KDM4C: variants seen among roughly 807,000 people sequenced by gnomAD.
The protein encoded by KDM4C is lysine demethylase 4C.
KDM4C carries 81 observed loss-of-function variants against 129.3 expected under a neutral mutation model. The observed-to-expected ratio is 0.63, with a 90% CI of 0.52 to 0.75. KDM4C has a LOEUF of 0.75. KDM4C is among the 30% of genes least tolerant of loss of function. KDM4C has a pLI of 0.00. For synonymous variants in KDM4C, 573 were observed against 456.1 expected, an observed-to-expected ratio of 1.26 and a Z score of -3.26; for missense variants, 1,457 against 1,304.0, an observed-to-expected ratio of 1.12 and a Z score of -1.81.
chr9:6,751,953 G>GAAAGCCCATGACA (rs1203987706), intron 1 of KDM4C, among the ~76,000 whole-genome samples: 1 of 152,152 alleles, frequency 6.6e-6, no homozygotes, highest in Non-Finnish European at 1.5e-5. Context: ...TTCTGCAGAA[G>GAAAGCCCATGACA]AAAGCCCATG....
chr9:7,092,719 A>G (rs1835943975), intron 17 of KDM4C, among the ~76,000 whole-genome samples: 1 of 152,102 alleles, frequency 6.6e-6, no homozygotes, highest in Non-Finnish European at 1.5e-5. Context: ...TTCATCTTTC[A>G]CAAAAGTCCT....
At chr9:7,147,647 C>T (rs1052383821) in intron 19 of KDM4C, among the ~76,000 whole-genome samples, 1 of 152,122 alleles carries the variant, frequency 6.6e-6, no homozygotes, top group Non-Finnish European at 1.5e-5. Flanking sequence ...GGGTGTTCTA[C>T]AGGAGGACAC....
intron 1 of KDM4C, among the ~76,000 whole-genome samples, chr9:6,724,894 T>C (rs1170316591): frequency 6.6e-6 from 1 of 152,132 alleles, no homozygotes; most frequent in African/African-American, 2.4e-5. Context: ...CATAAATTTA[T>C]TGTCTTGCAG....
At position 6,985,048 on chromosome 9, in the gene KDM4C, C is replaced by T. The variant is rs190068731; in HGVS notation, c.1354+644C>T. On this transcript the variant is annotated intron_variant, in intron 10 of 21. Coordinates refer to ENST00000381309, the MANE Select transcript of KDM4C (RefSeq NM_015061.6). ...CATACTTCTCATCCTGTAAATCCTT[C>T]CTCATGGGATTCCCCCCTCCGCCAG... Among the ~76,000 whole-genome samples, 274 of 152,290 alleles carry T rather than the reference C, an allele frequency of 1.8e-3. 1 individual carries two copies. The highest frequency in any genetic ancestry group is 7.5e-3 in the South Asian group (36 of 4,824).
intron 4 of KDM4C, among the ~76,000 whole-genome samples, chr9:6,815,467 G>T (rs977312726): frequency 2.0e-5 from 3 of 151,796 alleles, no homozygotes; most frequent in Non-Finnish European, 4.4e-5. Context: ...TAACTGCCTC[G>T]GCCTCCTAAA....
At chr9:6,956,363 A>G (rs1282912756) in intron 8 of KDM4C, among the ~76,000 whole-genome samples, 1 of 152,206 alleles carries the variant, frequency 6.6e-6, no homozygotes, top group East Asian at 1.9e-4. Flanking sequence ...TATGTACTCC[A>G]CAAATATACA....
chr9:6,998,578 C>G (rs818894), intron 12 of KDM4C, among the ~76,000 whole-genome samples: 28,299 of 152,114 alleles, frequency 0.19, 2,628 homozygotes, highest in Admixed American at 0.22. Context: ...GGCGGATCAC[C>G]TGAGGTCAGG....
At position 6,793,061 on chromosome 9, in the gene KDM4C, G is replaced by T; in HGVS notation, c.73G>T (p.Glu25Ter). Residue 25 changes from glutamate (E) to a stop codon, truncating the protein, a stop_gained, in exon 2 of 22, where the codon GAG becomes TAG. Coordinates refer to ENST00000381309, the MANE Select transcript of KDM4C (RefSeq NM_015061.6). LOFTEE classifies it high-confidence loss of function. ...AATGACCTTCAGACCCTCCATGGAGGAGTTCCGGGAGTTCAACAAATACCT... is the reference window on the plus strand; with the variant it reads ...AATGACCTTCAGACCCTCCATGGAGTAGTTCCGGGAGTTCAACAAATACCT... Reference protein sequence around the residue: ...KIMTFRPSMEEFREFNKYLAY... With the variant: ...KIMTFRPSME 6.2e-7 allele frequency: 1 copy of T among 1,614,122 alleles called. No homozygotes were observed. The highest frequency in any genetic ancestry group is 8.5e-7 in the Non-Finnish European group (1 of 1,180,016).
chr9:6,734,288 GTT>G (rs57329090), intron 1 of KDM4C, among the ~76,000 whole-genome samples: 6 of 110,292 alleles, frequency 5.4e-5, no homozygotes, highest in African/African-American at 1.1e-4. Context: ...CCCATGTTTG[GTT>G]TTTTTTTTTT....
chr9:6,869,049 G>A (rs866174768), intron 5 of KDM4C, among the ~76,000 whole-genome samples: 1 of 151,968 alleles, frequency 6.6e-6, no homozygotes. Flanking sequence ...TAATTTTTCT[G>A]ATCGCTCGGG....
chr9:7,015,096 T>G (rs1222757050), intron 14 of KDM4C, among the ~76,000 whole-genome samples: 5 of 152,174 alleles, frequency 3.3e-5, no homozygotes, highest in Admixed American at 6.5e-5. Context: ...TTCATGGACA[T>G]GGTTAACTGT....
At chr9:6,907,458 A>T (rs1818516737) in intron 8 of KDM4C, among the ~76,000 whole-genome samples, 1 of 152,204 alleles carries the variant, frequency 6.6e-6, no homozygotes, top group Non-Finnish European at 1.5e-5. Context: ...TAGTATCTGT[A>T]CATGTAGAGC....
intron 7 of KDM4C, among the ~76,000 whole-genome samples, 153 bp from the exon 8 acceptor site, chr9:6,892,942 G>A (rs1403003626): frequency 6.6e-6 from 1 of 152,120 alleles, no homozygotes; most frequent in East Asian, 1.9e-4. Context: ...CACTATTAAA[G>A]GATTAAGTAA....
upstream of KDM4C, chr9:6,757,839 A>G (rs1818504204): frequency 4.1e-6 from 4 of 985,576 alleles, no homozygotes; most frequent in Non-Finnish European, 4.8e-6. Flanking sequence ...CAGCAAGCCT[A>G]AGTTAACCAC....
chr9:7,109,066 T>C (rs1838023491), intron 18 of KDM4C, among the ~76,000 whole-genome samples: 1 of 152,204 alleles, frequency 6.6e-6, no homozygotes, highest in Admixed American at 6.5e-5. Context: ...GTAGTAGAAG[T>C]GGATTTGGTA....
intron 8 of KDM4C, among the ~76,000 whole-genome samples, chr9:6,935,079 G>C (rs1337696448): frequency 1.3e-5 from 2 of 151,948 alleles, no homozygotes; most frequent in Admixed American, 6.6e-5. Context: ...TAAATACGAA[G>C]TTCCTTAACT....
intron 19 of KDM4C, among the ~76,000 whole-genome samples, chr9:7,149,923 T>G (rs1324549805): frequency 6.6e-6 from 1 of 152,176 alleles, no homozygotes; most frequent in Non-Finnish European, 1.5e-5. Flanking sequence ...TTTAAGTAGT[T>G]TTTATATTTG....
chr9:7,155,534 T>C (rs1226384058), intron 19 of KDM4C, among the ~76,000 whole-genome samples: 1 of 151,536 alleles, frequency 6.6e-6, no homozygotes, highest in Non-Finnish European at 1.5e-5. Context: ...CAGGCCCCGG[T>C]GTGTGATGTT....
chr9:7,112,109 A>G (rs1373487757), intron 18 of KDM4C, among the ~76,000 whole-genome samples: 1 of 152,232 alleles, frequency 6.6e-6, no homozygotes, highest in Admixed American at 6.5e-5. Context: ...GCTATTATTT[A>G]TCTTGTTTCA....
Sources: allele counts gnomAD v4.1 joint callset (sites outside exome capture counted in the v4.1 genomes callset), GRCh38; gene constraint gnomAD v4.1.1; transcripts MANE v1.5; gene names NCBI Gene and HGNC (gene_info 2026-07-23, HGNC 2026-07-21).